MEIS2: variants seen among roughly 807,000 people sequenced by gnomAD.
MEIS2 encodes Meis homeobox 2, also known as homeobox protein Meis2.
In MEIS2, 9 loss-of-function variants were observed where a neutral mutation model predicts 58.6. That is an observed-to-expected ratio of 0.15 (90% confidence interval 0.09 to 0.27). MEIS2 has a LOEUF of 0.27. MEIS2 is among the 10% of genes least tolerant of loss of function. MEIS2 has a pLI of 1.00. For missense variants in MEIS2, 427 were observed against 635.0 expected (o/e 0.67, Z 3.52); for synonymous variants, 221 against 228.4 (o/e 0.97, Z 0.29).
At chr15:36,990,576 C>T (rs1347907584) in intron 8 of MEIS2, among the ~76,000 whole-genome samples, 1 of 151,488 alleles carries the variant, frequency 6.6e-6, no homozygotes, top group Non-Finnish European at 1.5e-5. Context: ...AAGAACTAGT[C>T]AAAAAAGAAA....
intron 8 of MEIS2, among the ~76,000 whole-genome samples, chr15:36,961,786 T>C (rs1362567102): frequency 6.6e-6 from 1 of 152,190 alleles, no homozygotes; most frequent in Non-Finnish European, 1.5e-5. Flanking sequence ...GTGGACATAT[T>C]TAAAATATAA....
chr15:36,905,829 G>A (rs1342698845), intron 9 of MEIS2, among the ~76,000 whole-genome samples: 1 of 152,096 alleles, frequency 6.6e-6, no homozygotes, highest in Non-Finnish European at 1.5e-5. Context: ...GAAAATGCAA[G>A]TTATGCCTTT....
chr15:37,009,286 C>T (rs2061042766), intron 8 of MEIS2, among the ~76,000 whole-genome samples: 1 of 151,356 alleles, frequency 6.6e-6, no homozygotes, highest in Non-Finnish European at 1.5e-5. Context: ...GAGACTCCGT[C>T]TCAAAAAAAA....
chr15:36,915,407 T>C (rs1283568891), intron 9 of MEIS2, among the ~76,000 whole-genome samples: 3 of 152,144 alleles, frequency 2.0e-5, no homozygotes, highest in Non-Finnish European at 1.5e-5. Context: ...TTCTTTTCAT[T>C]ATTATGGGGA....
chr15:36,979,001 T>G (rs2059846971), intron 8 of MEIS2, among the ~76,000 whole-genome samples: 1 of 152,188 alleles, frequency 6.6e-6, no homozygotes. Context: ...AGTATGCATT[T>G]TTTTAAAGAT....
rs373918119 is a variant in MEIS2, at chr15:36,895,142, C to T, written c.1147+9G>A. The T allele has an allele frequency of 3.7e-6, 6 of 1,611,122 alleles. No individual in the cohort carries two copies. Among genetic ancestry groups the T allele is most frequent in the Non-Finnish European group, 5.1e-6 (6 of 1,178,722 alleles). ...CAGGGAAGCCCAGAGGCGGGATGAG[C>T]CAACCTACCTGCAGGCCGGATCCCC... is the stretch of plus-strand genomic sequence containing the variant. On this transcript the variant is annotated intron_variant, in intron 11 of 11. Coordinates refer to ENST00000561208, the MANE Select transcript of MEIS2 (RefSeq NM_170675.5).
chr15:36,998,625 C>T (rs1195278245), intron 8 of MEIS2, among the ~76,000 whole-genome samples: 2 of 152,092 alleles, frequency 1.3e-5, no homozygotes, highest in Non-Finnish European at 1.5e-5. Context: ...AATTATGGTA[C>T]TTAAACACTC....
At chr15:37,039,091 T>C (rs2062295679) in intron 7 of MEIS2, among the ~76,000 whole-genome samples, 2 of 152,148 alleles carry the variant, frequency 1.3e-5, no homozygotes, top group Non-Finnish European at 2.9e-5. Context: ...TGCTGTTCTG[T>C]AGCCTGAGGC....
intron 1 of MEIS2, chr15:37,098,811 C>A (rs1894722862): frequency 3.1e-6 from 2 of 650,952 alleles, no homozygotes; most frequent in African/African-American, 2.0e-5. Flanking sequence ...ATAATCAGCA[C>A]GAGAACGCCG....
In MEIS2 at chr15:36,889,420, A is replaced by G. The variant is rs189639965; in HGVS notation, c.*2753T>C. The G allele has an allele frequency of 2.0e-5, 3 of 152,134 alleles. No individual in the cohort carries two copies. Among genetic ancestry groups the G allele is most frequent in the African/African-American group, 4.8e-5 (2 of 41,484 alleles). The allele number at this position is 152,134 out of a possible 1,614,324, so 9.4% of individuals were successfully genotyped here. On this transcript the variant is annotated 3_prime_UTR_variant, in exon 12 of 12. Transcript: ENST00000561208. ...AGCATTATAAAAATTGGACAAATCT[A>G]TCACTTCTCTGTGTTATCATGGGGT... is the stretch of plus-strand genomic sequence containing the variant.
intron 8 of MEIS2, among the ~76,000 whole-genome samples, chr15:37,005,133 A>G (rs575866851): frequency 5.9e-5 from 9 of 152,370 alleles, no homozygotes; most frequent in Non-Finnish European, 1.2e-4. Flanking sequence ...CCTTTTCAAC[A>G]TCATGGCTAC....
chr15:37,031,853 G>GTGTC (rs1162109517), intron 8 of MEIS2, among the ~76,000 whole-genome samples: 1 of 151,618 alleles, frequency 6.6e-6, no homozygotes, highest in Admixed American at 6.6e-5. Flanking sequence ...GTGTGTGTGT[G>GTGTC]TGTGTGTCTG....
intron 9 of MEIS2, among the ~76,000 whole-genome samples, chr15:36,942,222 AC>A (rs2058401737): frequency 6.6e-6 from 1 of 152,188 alleles, no homozygotes; most frequent in South Asian, 2.1e-4. Flanking sequence ...CAAAACCAAA[AC>A]AAAACAAAAC....
chr15:36,962,194 T>C (rs1013093549), intron 8 of MEIS2, among the ~76,000 whole-genome samples: 1 of 152,240 alleles, frequency 6.6e-6, no homozygotes, highest in East Asian at 1.9e-4. Flanking sequence ...CTAGCATTTC[T>C]GATGCCTGGT....
rs777329350 is a variant in MEIS2, at chr15:37,098,191, C to G, written c.21G>C (p.Glu7Asp). 6 of 1,600,364 alleles carry G rather than the reference C, an allele frequency of 3.7e-6. No individual in the cohort carries two copies. The Admixed American group carries it at 1.0e-4, about 27-fold the overall frequency. Residue 7 changes from glutamate (E) to aspartate (D), a missense_variant, in exon 2 of 12, where the codon GAG (glutamate) becomes GAC (aspartate). This residue lies in a region of MEIS2 where 103 missense variants were observed against 111.8 expected (regional missense o/e 0.92). Transcript: ENST00000561208. MAQRYDELPHYGGMDGV... is the reference protein window; with the variant it reads MAQRYDDLPHYGGMDGV... ...CGTCCATCCCGCCGTAATGGGGCAGCTCATCGTACTGTCAGAACCCGGGAA... is the reference window on the plus strand; with the variant it reads ...CGTCCATCCCGCCGTAATGGGGCAGGTCATCGTACTGTCAGAACCCGGGAA...
rs935810809 is a variant in MEIS2 at position 37,098,292 on chromosome 15, G to A, written c.13-93C>T. 6 of 1,393,972 alleles carry A rather than the reference G, an allele frequency of 4.3e-6. No individual in the cohort carries two copies. In the African/African-American group the frequency reaches 8.8e-5, roughly 21 times the overall value. The allele number at this position is 1,393,972 out of a possible 1,614,324, so 86.4% of individuals were successfully genotyped here. A position where few individuals can be genotyped will look rare whatever the true frequency, so the allele number is the denominator to read the frequency against. Reference sequence around the variant, plus strand: ...GGAAAAAGAGCAGGGAGAAGAGGGCGAACAGAAAAGAGAGGAAGGGATAAA... The same window carrying A: ...GGAAAAAGAGCAGGGAGAAGAGGGCAAACAGAAAAGAGAGGAAGGGATAAA... On this transcript the variant is annotated intron_variant, in intron 1 of 11. Coordinates refer to ENST00000561208, the MANE Select transcript of MEIS2 (RefSeq NM_170675.5).
At chr15:37,082,856 A>G (rs1392345252) in intron 7 of MEIS2, among the ~76,000 whole-genome samples, 22 of 152,098 alleles carry the variant, frequency 1.4e-4, no homozygotes, top group Admixed American at 1.4e-3. Context: ...AATGGCATAT[A>G]TAACTACAGC....
chr15:36,972,575 A>G (rs2059606208), intron 8 of MEIS2, among the ~76,000 whole-genome samples: 1 of 152,132 alleles, frequency 6.6e-6, no homozygotes, highest in African/African-American at 2.4e-5. Context: ...CTATTTTTAA[A>G]AATTCATTTA....
intron 8 of MEIS2, among the ~76,000 whole-genome samples, chr15:37,023,709 C>G (rs377703214): frequency 3.9e-5 from 6 of 152,088 alleles, no homozygotes; most frequent in Non-Finnish European, 8.8e-5. Context: ...CCATTCAGCC[C>G]GGCCCTTTTT....
Sources: gnomAD v4.1 joint callset for allele counts (sites outside exome capture counted in the v4.1 genomes callset) on GRCh38, gnomAD v4.1.1 for gene constraint, gnomAD v4.1.1 regional missense constraint, MANE v1.5 for transcripts, NCBI Gene and HGNC (gene_info 2026-07-23, HGNC 2026-07-21) for gene names.